The following ANXA8 variants were observed in gnomAD, a reference collection of about 807,000 sequenced individuals.
ANXA8 encodes the protein VAC-beta.
ANXA8 carries 9 observed loss-of-function variants against 26.8 expected under a neutral mutation model. The observed-to-expected ratio is 0.34, with a 90% CI of 0.20 to 0.59. The LOEUF (loss-of-function observed/expected upper bound fraction) is 0.59. ANXA8 is among the 20% of genes least tolerant of loss of function. The pLI, the probability that ANXA8 is intolerant of heterozygous loss-of-function variation, is 0.84. For missense variants in ANXA8, 83 were observed against 238.5 expected, an observed-to-expected ratio of 0.35 and a Z score of 4.29; for synonymous variants, 39 against 94.8, an observed-to-expected ratio of 0.41 and a Z score of 3.42.
the ANXA8 span, among the ~76,000 whole-genome samples, chr10:47,594,909 A>C: frequency 6.7e-6 from 1 of 149,342 alleles, no homozygotes; most frequent in East Asian, 1.9e-4. Flanking sequence ...CCAGAAATCC[A>C]GAGAACCTCT....
chr10:47,898,811 A>AGTTTTTTTT, the ANXA8 span, among the ~76,000 whole-genome samples: 1 of 56,242 alleles, frequency 1.8e-5, no homozygotes, highest in Non-Finnish European at 2.9e-5. Flanking sequence ...AAGAGAATGG[A>AGTTTTTTTT]TTTTTTTTTT....
chr10:47,744,413 G>GGGGGGTTGGGGGGGGAGGGGGGAA, the ANXA8 span, among the ~76,000 whole-genome samples: 1 of 3,978 alleles, frequency 2.5e-4, no homozygotes, highest in African/African-American at 8.1e-4. Flanking sequence ...GCTCCTGGTG[G>GGGGGGTTGGGGGGGGAGGGGGGAA]GGGGGGGGTT....
chr10:47,656,915 G>A, the ANXA8 span, among the ~76,000 whole-genome samples: 16 of 149,330 alleles, frequency 1.1e-4, no homozygotes, highest in Admixed American at 2.7e-4. Context: ...AGTTGTCCAC[G>A]GCATGGACCC....
At chr10:47,961,169 G>A in the ANXA8 span, among the ~76,000 whole-genome samples, 1 of 147,180 alleles carries the variant, frequency 6.8e-6, no homozygotes, top group African/African-American at 2.6e-5. Flanking sequence ...CAGCTAAAAT[G>A]TGTGGGCCTT....
the ANXA8 span, among the ~76,000 whole-genome samples, chr10:47,589,903 T>TGATAGATGATAGATA: frequency 1.6e-5 from 2 of 125,662 alleles, no homozygotes. Flanking sequence ...GATAGATAGA[T>TGATAGATGATAGATA]GATAGATAGA....
At chr10:47,609,147 G>A in the ANXA8 span, among the ~76,000 whole-genome samples, 1 of 142,576 alleles carries the variant, frequency 7.0e-6, no homozygotes, top group Admixed American at 6.8e-5. Context: ...TTGTTAATAT[G>A]TTGCCCATAA....
the ANXA8 span, among the ~76,000 whole-genome samples, chr10:47,655,629 G>A: frequency 6.6e-6 from 1 of 151,916 alleles, no homozygotes; most frequent in Admixed American, 6.6e-5. Context: ...GCAGTTGCTG[G>A]GTATGACAGA....
chr10:47,772,149 A>G, the ANXA8 span, among the ~76,000 whole-genome samples: 1 of 151,544 alleles, frequency 6.6e-6, no homozygotes, highest in Non-Finnish European at 1.5e-5. Flanking sequence ...GTGAAAAAAA[A>G]AGGCCTTCCT....
chr10:47,589,718 A>C, the ANXA8 span, among the ~76,000 whole-genome samples: 7 of 144,844 alleles, frequency 4.8e-5, no homozygotes, highest in Non-Finnish European at 1.0e-4. Flanking sequence ...CTCCCCTGAA[A>C]AAAATGCTCC....
chr10:47,604,945 T>C, the ANXA8 span, among the ~76,000 whole-genome samples: 3 of 151,230 alleles, frequency 2.0e-5, no homozygotes, highest in African/African-American at 7.4e-5. Context: ...ATCCAGTTTT[T>C]AGAAATGGGA....
the ANXA8 span, among the ~76,000 whole-genome samples, chr10:47,622,189 G>T: frequency 1.8e-5 from 2 of 112,870 alleles, 1 homozygote; most frequent in Non-Finnish European, 3.9e-5. Context: ...ATAGACTATA[G>T]TGTGCATGGT....
At chr10:47,605,919 A>C in the ANXA8 span, among the ~76,000 whole-genome samples, 1 of 115,154 alleles carries the variant, frequency 8.7e-6, no homozygotes, top group South Asian at 2.6e-4. Context: ...AAAATGACTT[A>C]CTAGTTTTAA....
chr10:47,770,063 C>T, the ANXA8 span, among the ~76,000 whole-genome samples: 1 of 141,232 alleles, frequency 7.1e-6, no homozygotes, highest in Non-Finnish European at 1.6e-5. Context: ...CAGATCTTGC[C>T]TGAACTCAGA....
chr10:47,633,756 TC>T, the ANXA8 span, among the ~76,000 whole-genome samples: 2 of 148,788 alleles, frequency 1.3e-5, no homozygotes, highest in Admixed American at 1.3e-4. Context: ...GCCCTAAACT[TC>T]CAGGACTGTA....
the ANXA8 span, among the ~76,000 whole-genome samples, chr10:47,722,695 G>A: frequency 7.1e-6 from 1 of 141,720 alleles, no homozygotes; most frequent in Admixed American, 7.1e-5. Context: ...CCAGGTGGAA[G>A]CCAGCCTTTT....
the ANXA8 span, chr10:47,696,386 T>C: frequency 8.8e-7 from 1 of 1,133,570 alleles, no homozygotes. Context: ...GATCAGAATG[T>C]TTTTTTCTCT....
chr10:47,743,279 C>T, the ANXA8 span, among the ~76,000 whole-genome samples: 144 of 29,266 alleles, frequency 4.9e-3, 1 homozygote, highest in Middle Eastern at 0.015. Flanking sequence ...TATATATATA[C>T]ACACATATAT....
At chr10:47,665,061 G>C in the ANXA8 span, among the ~76,000 whole-genome samples, 3 of 147,580 alleles carry the variant, frequency 2.0e-5, no homozygotes, top group East Asian at 1.9e-4. Context: ...ATTATTGTCT[G>C]AATATTGAGT....
chr10:47,636,771 A>C, the ANXA8 span, among the ~76,000 whole-genome samples: 2 of 152,164 alleles, frequency 1.3e-5, no homozygotes, highest in African/African-American at 2.4e-5. Context: ...TGAGATATTC[A>C]AGTTATGATC....
Sources: gnomAD v4.1 joint callset for allele counts (sites outside exome capture counted in the v4.1 genomes callset) on GRCh38, gnomAD v4.1.1 for gene constraint, MANE v1.5 for transcripts, NCBI Gene and HGNC (gene_info 2026-07-23, HGNC 2026-07-21) for gene names.